ANPEP: variants seen among roughly 807,000 people sequenced by gnomAD.
ANPEP encodes alanyl aminopeptidase, membrane.
A neutral mutation model predicts 114.6 loss-of-function variants in ANPEP; 70 were observed. The observed-to-expected ratio is 0.61, with a 90% CI of 0.50 to 0.75. ANPEP has a LOEUF of 0.75. Ranked by LOEUF, ANPEP falls within the 30% of genes least tolerant of loss-of-function variation. The pLI is 0.00. For missense variants in ANPEP, 1,184 were observed against 1,259.5 expected (o/e 0.94, Z 0.91); for synonymous variants, 548 against 522.3 (o/e 1.05, Z -0.67).
chr15:89,787,902 A>G (rs1403400614), intron 20 of ANPEP, among the ~76,000 whole-genome samples: 1 of 152,232 alleles, frequency 6.6e-6, no homozygotes, highest in Non-Finnish European at 1.5e-5. Context: ...TTCATTACTC[A>G]TTAGGGAGAT....
rs1249534321 is a variant in ANPEP at position 89,805,365 on chromosome 15, A to G, written c.713T>C (p.Ile238Thr). 3 of 1,614,132 alleles carry G rather than the reference A, an allele frequency of 1.9e-6. No individual in the cohort carries two copies. Among genetic ancestry groups the G allele is most frequent in the South Asian group, 1.1e-5 (1 of 91,090 alleles). ...CAGGGCTGTCAGGTCCTTGGGGTGG[A>G]TAAGCGTGATGTTGAACTCGGCCTT... Reference protein sequence around the residue: ...AMKAEFNITLIHPKDLTALSN... With the variant: ...AMKAEFNITLTHPKDLTALSN... The change falls in exon 3 of 21, where the codon ATC becomes ACC. Residue 238 changes from isoleucine (I) to threonine (T), a missense_variant. Ile to Thr is a moderately conservative substitution (Grantham distance 89, BLOSUM62 -1). Coordinates refer to ENST00000300060, the MANE Select transcript of ANPEP (RefSeq NM_001150.3).
Position 89,799,205 on chromosome 15 carries a change from C to CA in ANPEP, c.2009+54dup. ...GGAGCAGGGGCCCTCATTGTGGACT[C>CA]AGACTTGCTGAAGTCACGAGCTTCT... On this transcript the variant is annotated intron_variant, in intron 14 of 20. Coordinates refer to ENST00000300060, the MANE Select transcript of ANPEP (RefSeq NM_001150.3). The surrounding 1 kb of genome is among the most constrained non-coding windows in gnomAD (Gnocchi z 4.2). The CA allele has an allele frequency of 6.2e-7, 1 of 1,606,078 alleles. No individual in the cohort carries two copies.
rs775363649 is a variant in ANPEP, at chr15:89,805,232, T to C, written c.758-15A>G. ...GGTGCTGGGACCTGGGCAGGGAGCA[T>C]GTGTGTGTGAGGACGTACCCTCCTG... On this transcript the variant is annotated splice_polypyrimidine_tract_variant and intron_variant, in intron 3 of 20. Transcript: ENST00000300060. The C allele has an allele frequency of 1.2e-6, 2 of 1,614,046 alleles. No individual in the cohort carries two copies. The highest frequency in any genetic ancestry group is 2.2e-5 in the South Asian group (2 of 91,078).
chr15:89,785,237 AG>A lies in ANPEP; in HGVS notation c.*111del. On this transcript the variant is annotated 3_prime_UTR_variant, in exon 21 of 21. Coordinates refer to ENST00000300060, the MANE Select transcript of ANPEP (RefSeq NM_001150.3). ...ACGTGGGCTGGAGACTTTGTCCTTG[AG>A]GGGAGGACACTGGTGCCTCGGGCTC... 5 of 1,373,930 alleles carry A rather than the reference AG, an allele frequency of 3.6e-6. No homozygotes were observed. In the South Asian group the frequency reaches 6.5e-5, roughly 18 times the overall value. 85.1% of individuals were successfully genotyped at this position (1,373,930 alleles called of 1,614,324 possible). A position where few individuals can be genotyped will look rare whatever the true frequency, so the allele number is the denominator to read the frequency against.
rs759715992 is a variant in ANPEP at position 89,799,223 on chromosome 15, G to A, written c.2009+37C>T. 2.5e-6 allele frequency: 4 copies of A among 1,612,144 alleles called. No individual in the cohort carries two copies. Among genetic ancestry groups the A allele is most frequent in the South Asian group, 1.1e-5 (1 of 90,980 alleles). ...GTGGACTCAGACTTGCTGAAGTCAC[G>A]AGCTTCTGCAGCTGAGCCAGGCAGC... On this transcript the variant is annotated intron_variant, in intron 14 of 20. Coordinates refer to ENST00000300060, the MANE Select transcript of ANPEP (RefSeq NM_001150.3). This position sits in a 1 kb window ranked among gnomAD's most constrained non-coding sequence, Gnocchi z 4.2.
chr15:89,804,558 G>T lies in ANPEP; in HGVS notation c.957C>A (p.Asn319Lys). Reference protein sequence around the residue: ...IAAGHGDYALNVTGPILNFFA... With the variant: ...IAAGHGDYALKVTGPILNFFA... ...AGAAGTTAAGGATGGGGCCCGTCAC[G>T]TTCAGGGCATAATCGCCGTGGCCCG... is the stretch of plus-strand genomic sequence containing the variant. Residue 319 changes from asparagine to lysine, a missense_variant, in exon 5 of 21, where the codon AAC becomes AAA. Coordinates refer to ENST00000300060, the MANE Select transcript of ANPEP (RefSeq NM_001150.3). The T allele has an allele frequency of 6.2e-7, 1 of 1,614,172 alleles. No homozygotes were observed. Among genetic ancestry groups the T allele is most frequent in the Non-Finnish European group, 8.5e-7 (1 of 1,180,010 alleles).
Position 89,792,201 on chromosome 15 carries a change from C to G in ANPEP, c.2487G>C (p.Arg829=). 1 of 1,614,168 alleles carries G rather than the reference C, an allele frequency of 6.2e-7. No homozygotes were observed. ...ACTCTTTGCTGCAGGCCAGGGCTGC[C>G]CGGAGCTTGTCAGCCTCATTGACCA... ...ATLVNEADKL[R]AALACSKELW... Residue 829 remains arginine, a synonymous_variant, in exon 18 of 21, where the codon CGG becomes CGC. Coordinates refer to ENST00000300060, the MANE Select transcript of ANPEP (RefSeq NM_001150.3).
In ANPEP at chr15:89,806,321, G is replaced by A. The variant is rs569385341; in HGVS notation, c.263C>T (p.Thr88Met). Residue 88 changes from threonine (T) to methionine (M), a missense_variant, in exon 2 of 21, where the codon ACG becomes ATG. Physicochemically the swap from Thr to Met is moderately conservative, Grantham distance 81. Transcript: ENST00000300060. The surrounding 1 kb of genome is among the most constrained non-coding windows in gnomAD (Gnocchi z 5.7). ...NTLKPDSYRV[T>M]LRPYLTPNDR... is the part of the protein sequence containing the mutation. Reference sequence around the variant, plus strand: ...ATTGGGGGTGAGGTACGGTCTCAGCGTCACCCGGTAGGAATCGGGTTTCAG... The same window carrying A: ...ATTGGGGGTGAGGTACGGTCTCAGCATCACCCGGTAGGAATCGGGTTTCAG... 1.9e-5 allele frequency: 31 copies of A among 1,614,016 alleles called. No homozygotes were observed. The highest frequency in any genetic ancestry group is 6.7e-5 in the Admixed American group (4 of 60,000).
At position 89,806,810 on chromosome 15, in the gene ANPEP, C is replaced by T; in HGVS notation, c.-223-4G>A. On this transcript the variant is annotated splice_region_variant and splice_polypyrimidine_tract_variant and intron_variant, in intron 1 of 20. Transcript: ENST00000300060. The surrounding 1 kb of genome is among the most constrained non-coding windows in gnomAD (Gnocchi z 5.7). ...TGGAGCTGGGCTCGGGGGGTGCCTG[C>T]TGGAAGCAAACAGTGTCTGGTTACA... The T allele has an allele frequency of 1.6e-6, 1 of 627,082 alleles. No homozygotes were observed. Among genetic ancestry groups the T allele is most frequent in the Non-Finnish European group, 2.6e-6 (1 of 386,332 alleles). The allele number at this position is 627,082 out of a possible 1,614,324, so 38.8% of individuals were successfully genotyped here. A position where few individuals can be genotyped will look rare whatever the true frequency, so the allele number is the denominator to read the frequency against.
At position 89,805,430 on chromosome 15, in the gene ANPEP, A is replaced by T; in HGVS notation, c.648T>A (p.Asp216Glu). Residue 216 changes from aspartate to glutamate, a missense_variant, in exon 3 of 21, where the codon GAT becomes GAA. Transcript: ENST00000300060. Reference protein sequence around the residue: ...VVATTQMQAADARKSFPCFDE... With the variant: ...VVATTQMQAAEARKSFPCFDE... ...CGAAGCATGGGAAGGACTTCCGGGC[A>T]TCTGCAGCCTGCATCTGTGTAGTGG... The T allele has an allele frequency of 6.2e-7, 1 of 1,614,206 alleles. No individual in the cohort carries two copies. Among genetic ancestry groups the T allele is most frequent in the Non-Finnish European group, 8.5e-7 (1 of 1,180,024 alleles).
chr15:89,804,892 A>G, intron 4 of ANPEP, 186 bp downstream of exon 4: 1 of 924,808 alleles, frequency 1.1e-6, no homozygotes, highest in Non-Finnish European at 1.6e-6. Context: ...AAGAGAAACC[A>G]TTGTTTTCAT....
In ANPEP at chr15:89,803,265, G is replaced by A; in HGVS notation, c.1543C>T (p.Leu515=). The A allele has an allele frequency of 6.2e-7, 1 of 1,614,130 alleles. No homozygotes were observed. The highest frequency in any genetic ancestry group is 8.5e-7 in the Non-Finnish European group (1 of 1,179,984). Residue 515 remains leucine, a synonymous_variant, in exon 10 of 21, where the codon CTG becomes TTG. Coordinates refer to ENST00000300060, the MANE Select transcript of ANPEP (RefSeq NM_001150.3). The surrounding 1 kb of genome is among the most constrained non-coding windows in gnomAD (Gnocchi z 4.2). ...HTFAYQNTIY[L]NLWDHLQEAV... ...TCCTGCAGGTGGTCCCACAGGTTCA[G>A]GTAGATGGTGTTCTGGTAGGCAAAG...
chr15:89,790,985 A>G lies in ANPEP; in HGVS notation c.2637T>C (p.Phe879=), dbSNP rs1416892879. 3 of 1,614,080 alleles carry G rather than the reference A, an allele frequency of 1.9e-6. No homozygotes were observed. The highest frequency in any genetic ancestry group is 1.1e-5 in the South Asian group (1 of 91,092). The part of the protein sequence containing the change: ...NVIGQGLVWD[F]VQSNWKKLFN... ...AAAGCTTCTTCCAGTTGCTCTGGAC[A>G]AAGTCCCAGACCAGACCTTGCCCAA... The change falls in exon 19 of 21, where the codon TTT becomes TTC. Residue 879 remains phenylalanine (F), a synonymous_variant. Transcript: ENST00000300060.
At chr15:89,805,582 G>C in intron 2 of ANPEP, 119 bp from the exon 3 acceptor site, 2 of 1,377,270 alleles carry the variant, frequency 1.5e-6, no homozygotes, top group Non-Finnish European at 2.0e-6. Flanking sequence ...CCTAACCCCT[G>C]CTCCTGCTCC....
Position 89,792,576 on chromosome 15 carries a change from G to A in ANPEP, c.2250-14C>T, listed in dbSNP as rs375697389. On this transcript the variant is annotated splice_polypyrimidine_tract_variant and intron_variant, in intron 16 of 20. Coordinates refer to ENST00000300060, the MANE Select transcript of ANPEP (RefSeq NM_001150.3). The stretch of plus-strand genomic sequence containing the variant: ...ACCTCGCTGTACCTGCCCCAGGGGT[G>A]ACACGCGGTTAGCACACCTGGCGAA... 1.5e-5 allele frequency: 24 copies of A among 1,610,798 alleles called. No homozygotes were observed. Among genetic ancestry groups the A allele is most frequent in the Non-Finnish European group, 2.0e-5 (23 of 1,177,238 alleles).
chr15:89,802,846 C>T, intron 10 of ANPEP: 1 of 262,770 alleles, frequency 3.8e-6, no homozygotes, highest in South Asian at 4.3e-5. Context: ...GAGCTGTGTG[C>T]AGAGACATGC....
intron 19 of ANPEP, 37 bp from the exon 20 acceptor site, chr15:89,790,578 C>T (rs763321827): frequency 1.8e-5 from 28 of 1,577,308 alleles, no homozygotes; most frequent in African/African-American, 5.4e-5. Flanking sequence ...TGAGGGAGGC[C>T]GGGAACTAAG....
intron 1 of ANPEP, among the ~76,000 whole-genome samples, chr15:89,813,206 C>A (rs1474548713): frequency 1.3e-5 from 2 of 152,180 alleles, no homozygotes; most frequent in Non-Finnish European, 2.9e-5. Flanking sequence ...GCATAGGGTT[C>A]CAGATCTCCC....
Position 89,806,846 on chromosome 15 carries a change from G to A in ANPEP, c.-223-40C>T, listed in dbSNP as rs374951646. The A allele has an allele frequency of 5.9e-5, 29 of 489,212 alleles. No homozygotes were observed. Among genetic ancestry groups the A allele is most frequent in the East Asian group, 2.2e-4 (6 of 27,884 alleles). The allele number at this position is 489,212 out of a possible 1,614,324, so 30.3% of individuals were successfully genotyped here. A position where few individuals can be genotyped will look rare whatever the true frequency, so the allele number is the denominator to read the frequency against. ...CAGTGTCTGGTTACAGGCTGCAGGC[G>A]GCCTGGGATCAGGCCCGAGGGCTGA... On this transcript the variant is annotated intron_variant, in intron 1 of 20. Transcript: ENST00000300060. The surrounding 1 kb of genome is among the most constrained non-coding windows in gnomAD (Gnocchi z 5.7).
Sources: allele counts gnomAD v4.1 joint callset (sites outside exome capture counted in the v4.1 genomes callset), GRCh38; gene constraint gnomAD v4.1.1; non-coding constraint Gnocchi (gnomAD v3.1); transcripts MANE v1.5; gene names NCBI Gene and HGNC (gene_info 2026-07-23, HGNC 2026-07-21).